The following TRIB3 variants were observed in gnomAD, a reference collection of about 807,000 sequenced individuals.
TRIB3 encodes tribbles homolog 3.
TRIB3 carries 20 observed loss-of-function variants against 16.6 expected under a neutral mutation model. The ratio of observed to expected loss-of-function variants is 1.20; its 90% CI spans 0.85 to 1.75. TRIB3 has a LOEUF of 1.75. TRIB3 is among the 40% of genes most tolerant of loss of function. The pLI is 0.00. For synonymous variants in TRIB3, 208 were observed against 217.0 expected, an observed-to-expected ratio of 0.96 and a Z score of 0.36; for missense variants, 484 against 488.9, an observed-to-expected ratio of 0.99 and a Z score of 0.10.
intron 3 of TRIB3, among the ~76,000 whole-genome samples, chr20:391,890 C>T (rs1321680990): frequency 6.6e-6 from 1 of 152,006 alleles, no homozygotes; most frequent in African/African-American, 2.4e-5. Flanking sequence ...AGTGTGGTGG[C>T]GCACACCTGT....
rs774940553 is a variant in TRIB3 at position 388,308 on chromosome 20, G to A, written c.291+7G>A. 87 of 1,591,156 alleles carry A rather than the reference G, an allele frequency of 5.5e-5. No individual in the cohort carries two copies. Among genetic ancestry groups the A allele is most frequent in the Admixed American group, 3.4e-5 (2 of 58,546 alleles). On this transcript the variant is annotated splice_region_variant and intron_variant, in intron 2 of 3. Coordinates refer to ENST00000217233, the MANE Select transcript of TRIB3 (RefSeq NM_021158.5). ...CACTGAGTATACCTGCAAGGTACGTGCCCATGGGCGGCTGTCCCCCAGCAC... is the reference window on the plus strand; with the variant it reads ...CACTGAGTATACCTGCAAGGTACGTACCCATGGGCGGCTGTCCCCCAGCAC...
At position 396,505 on chromosome 20, in the gene TRIB3, C is replaced by A; in HGVS notation, c.892C>A (p.Arg298=). Residue 298 remains arginine, a synonymous_variant, in exon 4 of 4, where the codon CGG becomes AGG. Transcript: ENST00000217233. ...CTGTCTGGTTCGCTGCCTCCTTCGT[C>A]GGGAGCCAGCTGAACGGCTCACAGC... ...ARCLVRCLLR[R]EPAERLTATG... is the part of the protein sequence containing the mutation. The A allele has an allele frequency of 1.2e-6, 2 of 1,613,084 alleles. No homozygotes were observed. The highest frequency in any genetic ancestry group is 1.7e-6 in the Non-Finnish European group (2 of 1,180,032).
chr20:391,001 C>CGAAAAAAA (rs747388615), intron 2 of TRIB3, among the ~76,000 whole-genome samples: 3 of 85,786 alleles, frequency 3.5e-5, no homozygotes, highest in Middle Eastern at 7.1e-3. Flanking sequence ...GACTCCGTCT[C>CGAAAAAAA]AAAAAAAAAA....
At chr20:386,017 C>A (rs1321574698) in intron 1 of TRIB3, among the ~76,000 whole-genome samples, 2 of 151,924 alleles carry the variant, frequency 1.3e-5, no homozygotes, top group African/African-American at 4.8e-5. Context: ...ACCACCACAC[C>A]CAGCTAATTA....
chr20:381,751 G>C (rs1256330191), intron 1 of TRIB3, among the ~76,000 whole-genome samples: 1 of 152,176 alleles, frequency 6.6e-6, no homozygotes, highest in Non-Finnish European at 1.5e-5. Context: ...CTGGAGCGGG[G>C]GAGCCGAGGG....
In TRIB3 at chr20:387,820, T is replaced by G. The variant is rs116354691; in HGVS notation, c.1-191T>G. Among the ~76,000 whole-genome samples, 135 of 152,332 alleles carry G rather than the reference T, an allele frequency of 8.9e-4. 1 individual carries two copies. The highest frequency in any genetic ancestry group is 3.1e-3 in the African/African-American group (128 of 41,584). ...CAGCCTTTACTATATTTAATTTTTT[T>G]GTGAGAAGTTTAACTGGAAGATAAA... On this transcript the variant is annotated intron_variant, in intron 1 of 3. Transcript: ENST00000217233.
chr20:391,392 C>G lies in TRIB3; in HGVS notation c.397C>G (p.Leu133Val). Residue 133 changes from leucine to valine, a missense_variant, in exon 3 of 4, where the codon CTC (leucine) becomes GTC (valine). By Grantham distance (32) the Leu-to-Val change is conservative (BLOSUM62 1). Coordinates refer to ENST00000217233, the MANE Select transcript of TRIB3 (RefSeq NM_021158.5). ...PTEVLAGTQL[L>V]YAFFTRTHGD... Reference sequence around the variant, plus strand: ...TGAGGTCCTGGCTGGTACCCAGCTCCTCTACGCCTTTTTCACTCGGACCCA... The same window carrying G: ...TGAGGTCCTGGCTGGTACCCAGCTCGTCTACGCCTTTTTCACTCGGACCCA... The G allele has an allele frequency of 1.9e-6, 3 of 1,613,824 alleles. No homozygotes were observed. Among genetic ancestry groups the G allele is most frequent in the Non-Finnish European group, 2.5e-6 (3 of 1,180,022 alleles).
At chr20:387,466 T>C (rs1023147926) in intron 1 of TRIB3, among the ~76,000 whole-genome samples, 9 of 151,352 alleles carry the variant, frequency 5.9e-5, no homozygotes, top group African/African-American at 1.9e-4. Context: ...GGTGGTTCAC[T>C]ACTAGAGTCC....
Position 396,611 on chromosome 20 carries a change from C to T in TRIB3, c.998C>T (p.Ala333Val), listed in dbSNP as rs762356631. 12 of 1,612,980 alleles carry T rather than the reference C, an allele frequency of 7.4e-6. No homozygotes were observed. Among genetic ancestry groups the T allele is most frequent in the Admixed American group, 1.7e-5 (1 of 60,012 alleles). The stretch of plus-strand genomic sequence containing the variant: ...ACCCGATCCCATCTCTGGGAGGCTG[C>T]CCAGGTGGTCCCTGATGGACTGGGG... ...APTRSHLWEA[A>V]QVVPDGLGLD... The change falls in exon 4 of 4, where the codon GCC (alanine) becomes GTC (valine). Residue 333 changes from alanine to valine, a missense_variant. Coordinates refer to ENST00000217233, the MANE Select transcript of TRIB3 (RefSeq NM_021158.5).
rs1287287200 is a variant in TRIB3 at position 391,517 on chromosome 20, C to T, written c.522C>T (p.His174=). ...TGGCCACCGCCCTGGCGCACTGTCA[C>T]CAGCACGGTCTGGTCCTGCGTGATC... is the stretch of plus-strand genomic sequence containing the variant. ...RQMATALAHC[H]QHGLVLRDLK... Residue 174 remains histidine, a synonymous_variant, in exon 3 of 4, where the codon CAC becomes CAT. Coordinates refer to ENST00000217233, the MANE Select transcript of TRIB3 (RefSeq NM_021158.5). 2.5e-6 allele frequency: 4 copies of T among 1,613,702 alleles called. No individual in the cohort carries two copies. The highest frequency in any genetic ancestry group is 3.4e-6 in the Non-Finnish European group (4 of 1,180,030).
chr20:381,467 C>T (rs1245435269), intron 1 of TRIB3: 3 of 152,382 alleles, frequency 2.0e-5, no homozygotes, highest in Non-Finnish European at 4.4e-5. Flanking sequence ...CCGGCCGTCA[C>T]CCCTAGAGGA....
At position 389,810 on chromosome 20, in the gene TRIB3, T is replaced by C. The variant is rs188242319; in HGVS notation, c.292-1477T>C. 1.9e-3 allele frequency among the ~76,000 whole-genome samples: 290 copies of C among 152,266 alleles called. 1 individual carries two copies. The highest frequency in any genetic ancestry group is 6.8e-3 in the Middle Eastern group (2 of 294). On this transcript the variant is annotated intron_variant, in intron 2 of 3. Coordinates refer to ENST00000217233, the MANE Select transcript of TRIB3 (RefSeq NM_021158.5). ...CCCCTATGCCAATGTGCACCATGGG[T>C]GCTGAATGGTCATTTCCACACTTCC...
At chr20:387,916 C>G in intron 1 of TRIB3, 95 bp from the exon 2 acceptor site, 2 of 1,411,194 alleles carry the variant, frequency 1.4e-6, no homozygotes, top group Non-Finnish European at 1.9e-6. Flanking sequence ...CAGATCACCC[C>G]CTATAAATGT....
chr20:396,505 C>T lies in TRIB3; in HGVS notation c.892C>T (p.Arg298Trp), dbSNP rs142647921. The change falls in exon 4 of 4, where the codon CGG becomes TGG. Residue 298 changes from arginine (R) to tryptophan (W), a missense_variant. Coordinates refer to ENST00000217233, the MANE Select transcript of TRIB3 (RefSeq NM_021158.5). ...ARCLVRCLLR[R>W]EPAERLTATG... ...CTGTCTGGTTCGCTGCCTCCTTCGTCGGGAGCCAGCTGAACGGCTCACAGC... is the reference window on the plus strand; with the variant it reads ...CTGTCTGGTTCGCTGCCTCCTTCGTTGGGAGCCAGCTGAACGGCTCACAGC... The T allele has an allele frequency of 1.8e-5, 29 of 1,612,966 alleles. No homozygotes were observed. The African/African-American group carries it at 2.4e-4, about 13-fold the overall frequency.
At chr20:382,100 T>C (rs1485149987) in intron 1 of TRIB3, among the ~76,000 whole-genome samples, 2 of 36,330 alleles carry the variant, frequency 5.5e-5, no homozygotes, top group Non-Finnish European at 1.5e-4. Flanking sequence ...CTGGGAGGGC[T>C]GTGTGTGTGT....
At chr20:394,854 T>C (rs950804493) in intron 3 of TRIB3, among the ~76,000 whole-genome samples, 2 of 152,050 alleles carry the variant, frequency 1.3e-5, no homozygotes, top group Non-Finnish European at 2.9e-5. Flanking sequence ...GACCGTGAGT[T>C]AGATAGACCT....
intron 1 of TRIB3, among the ~76,000 whole-genome samples, chr20:387,156 G>A (rs574224916): frequency 6.6e-6 from 1 of 152,220 alleles, no homozygotes; most frequent in South Asian, 2.1e-4. Flanking sequence ...CAGGAGGATT[G>A]CTTGAGCTCA....
intron 3 of TRIB3, among the ~76,000 whole-genome samples, chr20:393,095 T>C (rs2015024904): frequency 1.0e-5 from 1 of 98,570 alleles, no homozygotes; most frequent in South Asian, 3.3e-4. Flanking sequence ...GTTCAAAGAG[T>C]TTCTGCATAT....
In TRIB3 at chr20:396,204, G is replaced by A. The variant is rs1484831640; in HGVS notation, c.591G>A (p.Lys197=). ...GTTTCTCCCCATGTCCCAGGAAGAA[G>A]CTGGTGCTGGAGAACCTGGAGGACT... is the stretch of plus-strand genomic sequence containing the variant. ...RFVFADRERK[K]LVLENLEDSC... Residue 197 remains lysine, a synonymous_variant, in exon 4 of 4, where the codon AAG becomes AAA. Coordinates refer to ENST00000217233, the MANE Select transcript of TRIB3 (RefSeq NM_021158.5). 2 of 1,606,712 alleles carry A rather than the reference G, an allele frequency of 1.2e-6. No homozygotes were observed. The highest frequency in any genetic ancestry group is 1.1e-5 in the South Asian group (1 of 90,952).
Sources: allele counts gnomAD v4.1 joint callset (sites outside exome capture counted in the v4.1 genomes callset), GRCh38; gene constraint gnomAD v4.1.1; transcripts MANE v1.5; gene names NCBI Gene and HGNC (gene_info 2026-07-23, HGNC 2026-07-21).